STAB1: variants seen among roughly 807,000 people sequenced by gnomAD.
The protein encoded by STAB1 is stabilin-1.
A neutral mutation model predicts 332.4 loss-of-function variants in STAB1; 250 were observed. The observed-to-expected ratio is 0.75, with a 90% confidence interval of 0.68 to 0.84. The LOEUF (loss-of-function observed/expected upper bound fraction) is 0.84. STAB1 is among the 40% of genes least tolerant of loss of function. STAB1 has a pLI of 0.00. For synonymous variants in STAB1, 1,475 were observed against 1,390.4 expected, an observed-to-expected ratio of 1.06 and a Z score of -1.35; for missense variants, 3,249 against 3,489.7, an observed-to-expected ratio of 0.93 and a Z score of 1.74.
intron 44 of STAB1, 116 bp from the exon 45 acceptor site, chr3:52,517,765 T>C: frequency 6.3e-7 from 1 of 1,575,880 alleles, no homozygotes; most frequent in Non-Finnish European, 8.6e-7. Context: ...GTTTAATCAG[T>C]AGCAAATAGG....
Position 52,520,059 on chromosome 3 carries a change from A to G in STAB1, c.5351A>G (p.His1784Arg), listed in dbSNP as rs2079021043. The G allele has an allele frequency of 6.2e-7, 1 of 1,612,488 alleles. No individual in the cohort carries two copies. Among genetic ancestry groups the G allele is most frequent in the Non-Finnish European group, 8.5e-7 (1 of 1,179,814 alleles). Residue 1784 changes from histidine (H) to arginine (R), a missense_variant, in exon 51 of 69, where the codon CAT (histidine) becomes CGT (arginine). By Grantham distance (29) the His-to-Arg change is conservative. Coordinates refer to ENST00000321725, the MANE Select transcript of STAB1 (RefSeq NM_015136.3). Reference protein sequence around the residue: ...LPPDRQAWLYHEDHRDKLAAI... With the variant: ...LPPDRQAWLYREDHRDKLAAI... The stretch of plus-strand genomic sequence containing the variant: ...CCGGATCGCCAGGCCTGGCTGTACC[A>G]TGAGGACCACCGTGACAAGCTAGCA...
At chr3:52,504,357 C>A in intron 10 of STAB1, 104 bp from the exon 11 acceptor site, 3 of 1,385,768 alleles carry the variant, frequency 2.2e-6, no homozygotes, top group East Asian at 2.3e-5. Flanking sequence ...AGGGAGAATA[C>A]CCCCACCCCA....
In STAB1 at chr3:52,511,659, A is replaced by G. The variant is rs748278415; in HGVS notation, c.2797A>G (p.Thr933Ala). 8 of 1,610,162 alleles carry G rather than the reference A, an allele frequency of 5.0e-6. No homozygotes were observed. The Admixed American group carries it at 1.2e-4, about 24-fold the overall frequency. ...SYVGPGQSRC[T>A]CKLGFAGDGY... Reference sequence around the variant, plus strand: ...TTCCTAACCTTTCCAGAGCCGATGCACCTGCAAGCTGGGCTTTGCCGGGGA... The same window carrying G: ...TTCCTAACCTTTCCAGAGCCGATGCGCCTGCAAGCTGGGCTTTGCCGGGGA... Residue 933 changes from threonine (T) to alanine (A), a missense_variant, in exon 26 of 69, where the codon ACC (threonine) becomes GCC (alanine). Thr to Ala is a moderately conservative substitution (Grantham distance 58). Coordinates refer to ENST00000321725, the MANE Select transcript of STAB1 (RefSeq NM_015136.3).
In STAB1 at chr3:52,522,638, G is replaced by A. The variant is rs756185187; in HGVS notation, c.6694G>A (p.Ala2232Thr). 12 of 1,612,864 alleles carry A rather than the reference G, an allele frequency of 7.4e-6. No individual in the cohort carries two copies. The South Asian group carries it at 1.1e-4, about 15-fold the overall frequency. ...NFSEAEAACE[A>T]QGAVLASFPQ... ...TTCGGAGGCTGAGGCGGCATGCGAA[G>A]CACAGGGAGCCGTCCTTGCTTCATT... The change falls in exon 61 of 69, where the codon GCA (alanine) becomes ACA (threonine). Residue 2232 changes from alanine (A) to threonine (T), a missense_variant. Coordinates refer to ENST00000321725, the MANE Select transcript of STAB1 (RefSeq NM_015136.3).
rs916695462 is a variant in STAB1 at position 52,519,977 on chromosome 3, T to C, written c.5269T>C (p.Ser1757Pro). 2.5e-6 allele frequency: 4 copies of C among 1,598,392 alleles called. No homozygotes were observed. Among genetic ancestry groups the C allele is most frequent in the Non-Finnish European group, 2.6e-6 (3 of 1,172,154 alleles). The change falls in exon 51 of 69, where the codon TCC (serine) becomes CCC (proline). Residue 1757 changes from serine (S) to proline (P), a missense_variant. By Grantham distance (74) the Ser-to-Pro change is moderately conservative (BLOSUM62 -1). Transcript: ENST00000321725. ...AGLLPLLREA[S>P]HRPFTMLWPT... is the part of the protein sequence containing the mutation. ...CCTCCTGCCCCTGCTTCGAGAGGCA[T>C]CCCATAGGCCCTTCACAATGCTGTG...
At chr3:52,521,096 G>T in intron 55 of STAB1, 91 bp downstream of exon 55, 1 of 1,411,716 alleles carries the variant, frequency 7.1e-7, no homozygotes. Flanking sequence ...GAGTGTTGGG[G>T]CGTCCAGGGC....
chr3:52,510,348 G>A lies in STAB1; in HGVS notation c.2629-1G>A. The A allele has an allele frequency of 6.2e-7, 1 of 1,614,036 alleles. No homozygotes were observed. The highest frequency in any genetic ancestry group is 8.5e-7 in the Non-Finnish European group (1 of 1,179,984). ...CAGTTATTTATCCATGGCTCTCACA[G>A]GCTGAGTGTGTCCCTGGGTCCCTGG... On this transcript the variant is annotated splice_acceptor_variant, in intron 24 of 68. Transcript: ENST00000321725. LOFTEE classifies it high-confidence loss of function.
At chr3:52,513,611 C>A in intron 30 of STAB1, 106 bp from the exon 31 acceptor site, 1 of 1,183,810 alleles carries the variant, frequency 8.4e-7, no homozygotes, top group African/African-American at 1.5e-5. Flanking sequence ...AGCCTGCGGA[C>A]CACCTGTGGG....
chr3:52,521,131 A>G (rs1575365769), intron 55 of STAB1, 126 bp downstream of exon 55: 4 of 1,274,514 alleles, frequency 3.1e-6, no homozygotes, highest in East Asian at 2.5e-5. Flanking sequence ...TGGTGAGTAG[A>G]TTTTACTAGC....
chr3:52,519,846 G>T (rs1697203090), intron 50 of STAB1, 98 bp from the exon 51 acceptor site: 2 of 1,408,932 alleles, frequency 1.4e-6, no homozygotes, highest in African/African-American at 2.9e-5. Flanking sequence ...GTGTGGGTGA[G>T]TGTGGAGCCC....
intron 50 of STAB1, 163 bp downstream of exon 50, chr3:52,519,727 AC>A: frequency 8.3e-7 from 1 of 1,209,102 alleles, no homozygotes; most frequent in Non-Finnish European, 1.2e-6. Context: ...GTGCATGTGC[AC>A]CCCAGGTTGA....
At chr3:52,518,038 T>C (rs774205554) in intron 45 of STAB1, 35 bp downstream of exon 45, 3 of 1,577,726 alleles carry the variant, frequency 1.9e-6, no homozygotes, top group Non-Finnish European at 1.7e-6. Flanking sequence ...TGATCTGGTC[T>C]TGGCTGTGCC....
chr3:52,499,727 G>A (rs995702468), intron 1 of STAB1, among the ~76,000 whole-genome samples: 4 of 150,592 alleles, frequency 2.7e-5, no homozygotes, highest in Admixed American at 6.6e-5. Flanking sequence ...GTGAAACCCC[G>A]TCTCTACTAA....
chr3:52,509,305 A>G lies in STAB1; in HGVS notation c.2331A>G (p.Gly777=), dbSNP rs201295201. 3.7e-6 allele frequency: 6 copies of G among 1,613,408 alleles called. No homozygotes were observed. The African/African-American group carries it at 5.3e-5, about 14-fold the overall frequency. ...CHICSNPNKH[G]EQCQEDCGCV... ...TCTGCTCGAACCCAAACAAGCATGG[A>G]GAGCAATGCCAGGAAGGTGGGTGGT... The change falls in exon 22 of 69, where the codon GGA becomes GGG. Residue 777 remains glycine (G), a synonymous_variant. Transcript: ENST00000321725.
rs1212251279 is a variant in STAB1 at position 52,522,769 on chromosome 3, C to A, written c.6745-6C>A. 1.2e-6 allele frequency: 2 copies of A among 1,612,986 alleles called. No homozygotes were observed. The highest frequency in any genetic ancestry group is 1.7e-6 in the Non-Finnish European group (2 of 1,179,926). On this transcript the variant is annotated splice_polypyrimidine_tract_variant and splice_region_variant and intron_variant, in intron 61 of 68. Coordinates refer to ENST00000321725, the MANE Select transcript of STAB1 (RefSeq NM_015136.3). ...TGGGTCTTAGTATCCCCTCCTGTTC[C>A]TACAGCTGGGCTTCCACCTGTGCCT...
In STAB1 at chr3:52,505,940, C is replaced by T. The variant is rs370361655; in HGVS notation, c.1749+4C>T. Reference sequence around the variant, plus strand: ...CCACATCTACAACCACGGCCAGGTGCGAGGTCTTTTTCTGGGGGGCGGCCA... The same window carrying T: ...CCACATCTACAACCACGGCCAGGTGTGAGGTCTTTTTCTGGGGGGCGGCCA... On this transcript the variant is annotated splice_donor_region_variant and intron_variant, in intron 16 of 68. Transcript: ENST00000321725. 27 of 1,613,434 alleles carry T rather than the reference C, an allele frequency of 1.7e-5. No individual in the cohort carries two copies. The highest frequency in any genetic ancestry group is 6.7e-5 in the African/African-American group (5 of 74,950).
chr3:52,520,032 C>G lies in STAB1; in HGVS notation c.5324C>G (p.Pro1775Arg). 1 of 1,612,720 alleles carries G rather than the reference C, an allele frequency of 6.2e-7. No individual in the cohort carries two copies. Among genetic ancestry groups the G allele is most frequent in the Non-Finnish European group, 8.5e-7 (1 of 1,179,918 alleles). ...WPTDAAFRAL[P>R]PDRQAWLYHE... ...ACAGACGCCGCCTTTCGAGCTCTGC[C>G]TCCGGATCGCCAGGCCTGGCTGTAC... Residue 1775 changes from proline to arginine, a missense_variant, in exon 51 of 69, where the codon CCT (proline) becomes CGT (arginine). Transcript: ENST00000321725.
Position 52,517,880 on chromosome 3 carries a change from G to T in STAB1, c.4639-1G>T. ...ACCTTCCTCTCCTGTCCCTGACTCA[G>T]AACAATGGAGGATGCAGCCCATATG... On this transcript the variant is annotated splice_acceptor_variant, in intron 44 of 68. Transcript: ENST00000321725. LOFTEE classifies it high-confidence loss of function. 6.2e-7 allele frequency: 1 copy of T among 1,612,274 alleles called. No individual in the cohort carries two copies. The highest frequency in any genetic ancestry group is 1.1e-5 in the South Asian group (1 of 90,990).
At chr3:52,521,982 G>A (rs951619908) in intron 58 of STAB1, 31 bp downstream of exon 58, 1 of 1,606,840 alleles carries the variant, frequency 6.2e-7, no homozygotes, top group Non-Finnish European at 8.5e-7. Context: ...ATGGAGGTGG[G>A]AGGCCCCCAC....
Sources: allele counts gnomAD v4.1 joint callset (sites outside exome capture counted in the v4.1 genomes callset), GRCh38; gene constraint gnomAD v4.1.1; transcripts MANE v1.5; gene names NCBI Gene and HGNC (gene_info 2026-07-23, HGNC 2026-07-21).